DRC8: variants seen among roughly 807,000 people sequenced by gnomAD.
DRC8 encodes dynein regulatory complex subunit 8, also known as dynein regulatory complex protein 8.
At chr1:245,076,582 C>CT in the DRC8 span, among the ~76,000 whole-genome samples, 1 of 152,154 alleles carries the variant, frequency 6.6e-6, no homozygotes, top group Non-Finnish European at 1.5e-5. Context: ...AATGCAATGA[C>CT]TTTGTAGTCT....
At chr1:245,004,346 A>G in the DRC8 span, among the ~76,000 whole-genome samples, 1 of 152,212 alleles carries the variant, frequency 6.6e-6, no homozygotes, top group African/African-American at 2.4e-5. Context: ...ATGAAAAACA[A>G]AAGTATACTG....
the DRC8 span, among the ~76,000 whole-genome samples, chr1:245,098,057 G>A: frequency 6.6e-6 from 1 of 152,208 alleles, no homozygotes; most frequent in Non-Finnish European, 1.5e-5. Flanking sequence ...CTCAGGCCGG[G>A]GAGATAATGG....
chr1:245,009,574 TCTC>T, the DRC8 span, among the ~76,000 whole-genome samples: 1 of 149,182 alleles, frequency 6.7e-6, no homozygotes, highest in Non-Finnish European at 1.5e-5. Context: ...TTTACACCAT[TCTC>T]CTGCCTCAGC....
At chr1:245,087,349 G>T in the DRC8 span, 1 of 1,583,142 alleles carries the variant, frequency 6.3e-7, no homozygotes. Flanking sequence ...GATGGTGATA[G>T]ATGAAAATTA....
the DRC8 span, among the ~76,000 whole-genome samples, chr1:245,047,962 T>G: frequency 0.35 from 47,664 of 137,030 alleles, 8,221 homozygotes; most frequent in African/African-American, 0.41. Context: ...GTGAGAGAGC[T>G]GGACTCTGTC....
chr1:245,073,688 C>A, the DRC8 span, among the ~76,000 whole-genome samples: 4 of 151,896 alleles, frequency 2.6e-5, no homozygotes, highest in African/African-American at 9.7e-5. Flanking sequence ...CTATTTCTTG[C>A]TAAAATATAT....
the DRC8 span, among the ~76,000 whole-genome samples, chr1:245,049,327 C>A: frequency 5.3e-3 from 807 of 152,312 alleles, 4 homozygotes; most frequent in African/African-American, 0.018. The surrounding 1 kb of genome is among the most constrained non-coding windows in gnomAD (Gnocchi z 4.5). Flanking sequence ...CTTACATAAG[C>A]CACAGTGTCT....
chr1:245,001,595 G>GCTATT, the DRC8 span, among the ~76,000 whole-genome samples: 1 of 152,186 alleles, frequency 6.6e-6, no homozygotes, highest in Non-Finnish European at 1.5e-5. Flanking sequence ...TAGCCAGGGA[G>GCTATT]GTTTTCCTGT....
the DRC8 span, among the ~76,000 whole-genome samples, chr1:245,053,370 G>A: frequency 6.6e-6 from 1 of 152,310 alleles, no homozygotes; most frequent in Non-Finnish European, 1.5e-5. Flanking sequence ...CTCATGAGCT[G>A]TCTAGGCCTG....
the DRC8 span, among the ~76,000 whole-genome samples, chr1:245,095,188 A>G: frequency 6.6e-6 from 1 of 152,204 alleles, no homozygotes; most frequent in African/African-American, 2.4e-5. Flanking sequence ...GCTCAGGTTC[A>G]AGGCCTGCAA....
At chr1:245,053,220 A>G in the DRC8 span, among the ~76,000 whole-genome samples, 308 of 152,326 alleles carry the variant, frequency 2.0e-3, no homozygotes, top group African/African-American at 6.8e-3. Flanking sequence ...AGAAAAAAAA[A>G]TGGTTTTGTT....
chr1:245,110,601 G>A, the DRC8 span, among the ~76,000 whole-genome samples: 774 of 152,380 alleles, frequency 5.1e-3, 6 homozygotes, highest in African/African-American at 0.018. Context: ...GCCAGACAGC[G>A]CCCCGCTGAG....
the DRC8 span, among the ~76,000 whole-genome samples, chr1:245,036,192 A>G: frequency 6.6e-6 from 1 of 152,238 alleles, no homozygotes; most frequent in Admixed American, 6.5e-5. Context: ...CAATAAAAAG[A>G]CAACCCAATT....
At chr1:245,100,489 A>C in the DRC8 span, among the ~76,000 whole-genome samples, 1 of 152,044 alleles carries the variant, frequency 6.6e-6, no homozygotes, top group Non-Finnish European at 1.5e-5. Flanking sequence ...TTAAAAAAAT[A>C]CTATACAGAG....
At chr1:245,034,860 G>GTTTT in the DRC8 span, among the ~76,000 whole-genome samples, 324 of 136,298 alleles carry the variant, frequency 2.4e-3, 2 homozygotes, top group African/African-American at 8.3e-3. Context: ...ATAAATGAAA[G>GTTTT]TTTTTTTTTT....
At chr1:245,116,283 G>T in the DRC8 span, among the ~76,000 whole-genome samples, 1 of 152,146 alleles carries the variant, frequency 6.6e-6, no homozygotes, top group East Asian at 1.9e-4. Flanking sequence ...AGGCGGAAGT[G>T]AAGGCTGCTT....
chr1:245,087,039 AAAG>A, the DRC8 span: 5 of 723,294 alleles, frequency 6.9e-6, no homozygotes, highest in Non-Finnish European at 2.2e-6. Context: ...CTGCAGGCTA[AAAG>A]AAGTCCAGAA....
chr1:245,123,605 T>C, the DRC8 span: 99 of 153,188 alleles, frequency 6.5e-4, no homozygotes, highest in East Asian at 0.016. The surrounding 1 kb of genome is among the most constrained non-coding windows in gnomAD (Gnocchi z 5.0). Context: ...TTTTCAGCAG[T>C]GCGTTCCAGC....
the DRC8 span, among the ~76,000 whole-genome samples, chr1:245,045,444 AG>A: frequency 6.6e-6 from 1 of 152,238 alleles, no homozygotes; most frequent in Non-Finnish European, 1.5e-5. Context: ...TGAAAATGAA[AG>A]TACACTCCAC....
Sources: allele counts gnomAD v4.1 joint callset (sites outside exome capture counted in the v4.1 genomes callset), GRCh38; gene constraint gnomAD v4.1.1; non-coding constraint Gnocchi (gnomAD v3.1); transcripts MANE v1.5; gene names NCBI Gene and HGNC (gene_info 2026-07-23, HGNC 2026-07-21).